ABTB2: variants seen among roughly 807,000 people sequenced by gnomAD.
ABTB2 encodes the protein ankyrin repeat and BTB/POZ domain-containing protein 2.
In ABTB2, 56 loss-of-function variants were observed where a neutral mutation model predicts 104.1. The observed-to-expected ratio is 0.54, with a 90% CI of 0.43 to 0.67. The LOEUF is 0.67. ABTB2 is among the 30% of genes least tolerant of loss of function. The pLI, the probability that ABTB2 is intolerant of heterozygous loss-of-function variation, is 0.00. For missense variants in ABTB2, 1,279 were observed against 1,407.7 expected (o/e 0.91, Z 1.46); for synonymous variants, 606 against 608.2 (o/e 1.00, Z 0.05).
In ABTB2 at chr11:34,357,359, C is replaced by G; in HGVS notation, c.225G>C (p.Leu75=). Residue 75 remains leucine, a synonymous_variant, in exon 1 of 17, where the codon CTG becomes CTC. Coordinates refer to ENST00000435224, the MANE Select transcript of ABTB2 (RefSeq NM_145804.3). ...GGTCGGCCACTTCGGGGTCCTCGGG[C>G]AGCACCGTGTTCACCGTGTCCCAGC... The part of the protein sequence containing the change: ...HNSWDTVNTV[L]PEDPEVADLF... 1 of 1,535,716 alleles carries G rather than the reference C, an allele frequency of 6.5e-7. No homozygotes were observed. Among genetic ancestry groups the G allele is most frequent in the Middle Eastern group, 1.7e-4 (1 of 5,940 alleles).
At chr11:34,234,565 A>G (rs944479470) in intron 1 of ABTB2, among the ~76,000 whole-genome samples, 1 of 152,202 alleles carries the variant, frequency 6.6e-6, no homozygotes, top group Non-Finnish European at 1.5e-5. Context: ...CTGTGCCTCA[A>G]AGTCCAGCAT....
At chr11:34,220,907 T>C (rs751677794) in intron 1 of ABTB2, among the ~76,000 whole-genome samples, 82 of 152,068 alleles carry the variant, frequency 5.4e-4, no homozygotes, top group Non-Finnish European at 1.8e-4. Flanking sequence ...CTCCTTGACT[T>C]GTAGGTGGCC....
intron 3 of ABTB2, among the ~76,000 whole-genome samples, chr11:34,179,300 G>A (rs1029796876): frequency 2.6e-5 from 4 of 152,188 alleles, no homozygotes; most frequent in African/African-American, 9.7e-5. Context: ...AGAATGAAAA[G>A]GCAAATAACT....
chr11:34,157,196 C>A (rs1472823217), intron 14 of ABTB2, among the ~76,000 whole-genome samples: 1 of 152,230 alleles, frequency 6.6e-6, no homozygotes, highest in Non-Finnish European at 1.5e-5. Context: ...GTCTGGAAGC[C>A]CCATCTGAAA....
At chr11:34,222,700 T>TG (rs1323216713) in intron 1 of ABTB2, among the ~76,000 whole-genome samples, 1 of 152,244 alleles carries the variant, frequency 6.6e-6, no homozygotes, top group Non-Finnish European at 1.5e-5. Flanking sequence ...AGGCTGGATG[T>TG]GGGGCTGTGC....
At chr11:34,196,423 G>A (rs999726318) in intron 3 of ABTB2, among the ~76,000 whole-genome samples, 8 of 152,108 alleles carry the variant, frequency 5.3e-5, no homozygotes, top group South Asian at 2.1e-4. Flanking sequence ...GCGTGGTGGC[G>A]GGCACCTGTA....
At chr11:34,297,780 A>T (rs79152967) in intron 1 of ABTB2, among the ~76,000 whole-genome samples, 4,000 of 97,434 alleles carry the variant, frequency 0.041, 255 homozygotes, top group Non-Finnish European at 0.052. Context: ...AAAAAAAAAA[A>T]AAAATAAAAA....
At chr11:34,153,299 A>G (rs1178937767) in intron 16 of ABTB2, among the ~76,000 whole-genome samples, 1 of 152,100 alleles carries the variant, frequency 6.6e-6, no homozygotes, top group African/African-American at 2.4e-5. Context: ...AGGGCTGGCT[A>G]TTATTTAGCC....
Position 34,152,435 on chromosome 11 carries a change from G to A in ABTB2, c.3030C>T (p.Asn1010=), listed in dbSNP as rs146433580. Residue 1010 remains asparagine, a synonymous_variant, in exon 17 of 17, where the codon AAC becomes AAT. Coordinates refer to ENST00000435224, the MANE Select transcript of ABTB2 (RefSeq NM_145804.3). ...QGLDPLQDLQ[N]TLAERVHSVY... is the part of the protein sequence containing the mutation. ...CAGAGTGCACGCGCTCTGCCAGGGT[G>A]TTCTGCAGGTCCTGCAGTGGATCCA... 1,227 of 1,595,506 alleles carry A rather than the reference G, an allele frequency of 7.7e-4. 1 individual carries two copies. The highest frequency in any genetic ancestry group is 1.4e-3 in the Admixed American group (82 of 56,860).
chr11:34,350,574 C>A (rs1228687268), intron 1 of ABTB2, among the ~76,000 whole-genome samples: 1 of 152,164 alleles, frequency 6.6e-6, no homozygotes, highest in Non-Finnish European at 1.5e-5. Context: ...AGCCAGCAAG[C>A]AGCATTTAAA....
intron 1 of ABTB2, among the ~76,000 whole-genome samples, chr11:34,272,581 C>T (rs576179174): frequency 1.3e-5 from 2 of 151,732 alleles, no homozygotes; most frequent in Admixed American, 6.6e-5. Flanking sequence ...GTGGCGGGCA[C>T]CTGTAGTCCC....
intron 1 of ABTB2, among the ~76,000 whole-genome samples, chr11:34,331,844 G>C (rs903800631): frequency 6.6e-6 from 1 of 152,254 alleles, no homozygotes; most frequent in Non-Finnish European, 1.5e-5. Flanking sequence ...GCTAGCAAAA[G>C]TGTTAAGTAG....
chr11:34,152,151 G>T lies in ABTB2; in HGVS notation c.*236C>A. ...TGGCTGCCCTTGAGTTGCAAACTGA[G>T]ATGGGGAGGAGGGCCACCAGTTAGC... On this transcript the variant is annotated 3_prime_UTR_variant, in exon 17 of 17. Coordinates refer to ENST00000435224, the MANE Select transcript of ABTB2 (RefSeq NM_145804.3). 1 of 544,058 alleles carries T rather than the reference G, an allele frequency of 1.8e-6. No homozygotes were observed. The highest frequency in any genetic ancestry group is 3.3e-6 in the Non-Finnish European group (1 of 302,576). 33.7% of individuals were successfully genotyped at this position (544,058 alleles called of 1,614,324 possible).
Position 34,221,226 on chromosome 11 carries a change from C to T in ABTB2, c.884-16536G>A, listed in dbSNP as rs141218305. Among the ~76,000 whole-genome samples, 944 of 152,268 alleles carry T rather than the reference C, an allele frequency of 6.2e-3. 12 individuals are homozygous for T. Among genetic ancestry groups the T allele is most frequent in the African/African-American group, 0.021 (870 of 41,552 alleles). On this transcript the variant is annotated intron_variant, in intron 1 of 16. Coordinates refer to ENST00000435224, the MANE Select transcript of ABTB2 (RefSeq NM_145804.3). ...GGCCTCGTGATCCACCTGCCTTGGCCTCCCAAAGTGCTGGGATTATAGGCG... is the reference window on the plus strand; with the variant it reads ...GGCCTCGTGATCCACCTGCCTTGGCTTCCCAAAGTGCTGGGATTATAGGCG...
At chr11:34,345,724 C>T (rs983639075) in intron 1 of ABTB2, among the ~76,000 whole-genome samples, 15 of 152,208 alleles carry the variant, frequency 9.9e-5, no homozygotes, top group African/African-American at 3.6e-4. Context: ...CCAGCTGGTA[C>T]TCAAGTGGAT....
chr11:34,171,115 A>G (rs1413131905), intron 4 of ABTB2, 44 bp from the exon 5 acceptor site: 3 of 1,590,802 alleles, frequency 1.9e-6, no homozygotes, highest in African/African-American at 2.7e-5. Flanking sequence ...GTATGCAGAC[A>G]GCAACTTTCA....
intron 1 of ABTB2, among the ~76,000 whole-genome samples, chr11:34,227,544 T>C (rs10836161): frequency 0.58 from 87,580 of 152,052 alleles, 26,029 homozygotes; most frequent in Non-Finnish European, 0.66. Context: ...GATATTCCAT[T>C]GCATGGATAT....
intron 1 of ABTB2, among the ~76,000 whole-genome samples, chr11:34,297,779 A>C (rs559749466): frequency 1.2e-5 from 1 of 83,660 alleles, no homozygotes; most frequent in East Asian, 6.5e-4. Flanking sequence ...AAAAAAAAAA[A>C]AAAAATAAAA....
intron 1 of ABTB2, among the ~76,000 whole-genome samples, chr11:34,328,107 A>G (rs1236000074): frequency 6.6e-6 from 1 of 152,214 alleles, no homozygotes; most frequent in Non-Finnish European, 1.5e-5. Flanking sequence ...CCTGCTGTCC[A>G]GGCTGGATTG....
Sources: allele counts gnomAD v4.1 joint callset (sites outside exome capture counted in the v4.1 genomes callset), GRCh38; gene constraint gnomAD v4.1.1; transcripts MANE v1.5; gene names NCBI Gene and HGNC (gene_info 2026-07-23, HGNC 2026-07-21).